The following DAB1 variants were observed in gnomAD, a reference collection of about 807,000 sequenced individuals.
DAB1 encodes disabled homolog 1.
DAB1 carries 15 observed loss-of-function variants against 64.6 expected under a neutral mutation model. That is an observed-to-expected ratio of 0.23 (90% CI 0.16 to 0.36). The LOEUF (loss-of-function observed/expected upper bound fraction) is 0.36, where lower values mean the gene tolerates loss of function less well. Among genes scored for constraint, DAB1 ranks in the 10% least tolerant of loss-of-function variants. The pLI is 1.00. For missense variants in DAB1, 596 were observed against 706.7 expected (o/e 0.84, Z 1.78); for synonymous variants, 235 against 251.9 (o/e 0.93, Z 0.64).
intron 6 of DAB1, among the ~76,000 whole-genome samples, chr1:57,673,095 T>C (rs1407648846): frequency 1.3e-5 from 2 of 152,106 alleles, no homozygotes; most frequent in Non-Finnish European, 2.9e-5. Flanking sequence ...GGATGGGAAG[T>C]CCAAGATCAA....
intron 6 of DAB1, among the ~76,000 whole-genome samples, chr1:57,799,914 C>T (rs1651047030): frequency 6.6e-6 from 1 of 152,076 alleles, no homozygotes; most frequent in Admixed American, 6.5e-5. Flanking sequence ...AACCATGGGG[C>T]CCACAAAGCC....
At chr1:57,032,811 TATCA>T (rs1258626764) in intron 9 of DAB1, among the ~76,000 whole-genome samples, 1 of 152,234 alleles carries the variant, frequency 6.6e-6, no homozygotes, top group Non-Finnish European at 1.5e-5. Flanking sequence ...TTGGCTTCTG[TATCA>T]ATCAATTTGA....
intron 1 of DAB1, among the ~76,000 whole-genome samples, chr1:57,401,143 A>C (rs1683212188): frequency 6.6e-6 from 1 of 152,202 alleles, no homozygotes; most frequent in South Asian, 2.1e-4. Context: ...ATTTACCTCT[A>C]CACTCAACTG....
At chr1:57,002,459 T>C (rs1049416519) in intron 14 of DAB1, among the ~76,000 whole-genome samples, 13 of 151,988 alleles carry the variant, frequency 8.6e-5, no homozygotes, top group African/African-American at 3.1e-4. Context: ...CAAAGTGGGG[T>C]TTTTCTCTGA....
At chr1:57,577,982 C>T (rs1352401161) in intron 7 of DAB1, among the ~76,000 whole-genome samples, 2 of 152,098 alleles carry the variant, frequency 1.3e-5, no homozygotes, top group Non-Finnish European at 2.9e-5. Context: ...GAAGAGTGTC[C>T]CCAGCTGGGG....
At chr1:57,401,591 G>A (rs1014884769) in intron 1 of DAB1, among the ~76,000 whole-genome samples, 5 of 152,094 alleles carry the variant, frequency 3.3e-5, no homozygotes, top group Non-Finnish European at 7.4e-5. Flanking sequence ...GAGATATGAA[G>A]ATATGAAAGC....
intron 7 of DAB1, among the ~76,000 whole-genome samples, chr1:57,455,345 T>A (rs1232860773): frequency 6.6e-6 from 1 of 152,110 alleles, no homozygotes; most frequent in Non-Finnish European, 1.5e-5. Context: ...TTATCCCAAA[T>A]TTACAGATGA....
At chr1:57,692,270 T>C (rs1048124346) in intron 6 of DAB1, among the ~76,000 whole-genome samples, 4 of 152,118 alleles carry the variant, frequency 2.6e-5, no homozygotes, top group Non-Finnish European at 5.9e-5. Flanking sequence ...ACTCCCTGTC[T>C]CTGGTGCTTT....
intron 2 of DAB1, among the ~76,000 whole-genome samples, chr1:57,228,204 C>G (rs570043666): frequency 1.8e-4 from 28 of 152,296 alleles, no homozygotes; most frequent in African/African-American, 6.5e-4. Flanking sequence ...CTTCACTATT[C>G]TTGGATGCCT....
intron 4 of DAB1, among the ~76,000 whole-genome samples, chr1:58,185,837 A>T (rs1657044334): frequency 6.6e-6 from 1 of 152,084 alleles, no homozygotes; most frequent in Admixed American, 6.6e-5. Flanking sequence ...AATCTATATG[A>T]CCTTGGGCAA....
At chr1:58,010,193 T>TA (rs1646647242) in intron 5 of DAB1, among the ~76,000 whole-genome samples, 1 of 152,110 alleles carries the variant, frequency 6.6e-6, no homozygotes, top group Non-Finnish European at 1.5e-5. Flanking sequence ...CTAATCCTCA[T>TA]AACGGCCCTA....
intron 7 of DAB1, among the ~76,000 whole-genome samples, chr1:57,605,549 G>A (rs970514379): frequency 1.3e-5 from 2 of 152,082 alleles, no homozygotes; most frequent in African/African-American, 4.8e-5. Context: ...AGTGAAAAAG[G>A]CTTTACTGAC....
At chr1:57,168,471 A>G (rs945576825) in intron 2 of DAB1, among the ~76,000 whole-genome samples, 2 of 152,144 alleles carry the variant, frequency 1.3e-5, no homozygotes, top group African/African-American at 4.8e-5. Flanking sequence ...CAAGTCCCAG[A>G]GTACATCCCA....
intron 7 of DAB1, among the ~76,000 whole-genome samples, chr1:57,638,438 T>C (rs7531119): frequency 0.8 from 121,139 of 152,062 alleles, 48,493 homozygotes; most frequent in Non-Finnish European, 0.84. Context: ...TCATCTGCAA[T>C]GGTGTGCAAG....
chr1:58,111,391 A>AAC (rs1651957151), intron 5 of DAB1, among the ~76,000 whole-genome samples: 1 of 152,252 alleles, frequency 6.6e-6, no homozygotes, highest in East Asian at 1.9e-4. Flanking sequence ...TAAACTTGAG[A>AAC]AAAGCCACAT....
intron 3 of DAB1, among the ~76,000 whole-genome samples, chr1:58,367,694 T>C (rs938492859): frequency 2.0e-5 from 3 of 152,120 alleles, no homozygotes; most frequent in Non-Finnish European, 4.4e-5. Context: ...CAGACAGTAC[T>C]ACTATCAAAG....
chr1:58,177,867 C>T (rs899007016), intron 4 of DAB1, among the ~76,000 whole-genome samples: 1 of 152,180 alleles, frequency 6.6e-6, no homozygotes, highest in African/African-American at 2.4e-5. Context: ...AGAAAAACCA[C>T]ATCAGAACTG....
At chr1:58,438,332 A>G (rs1644967826) in intron 3 of DAB1, among the ~76,000 whole-genome samples, 1 of 152,324 alleles carries the variant, frequency 6.6e-6, no homozygotes, top group South Asian at 2.1e-4. Flanking sequence ...GATGGGCCTA[A>G]TCAAGTCTTG....
chr1:57,316,008 T>C (rs1474138981), intron 1 of DAB1, among the ~76,000 whole-genome samples: 1 of 152,174 alleles, frequency 6.6e-6, no homozygotes, highest in Non-Finnish European at 1.5e-5. Context: ...AGGATAGGTG[T>C]ATTACCACCC....
Sources: gnomAD v4.1 joint callset for allele counts (sites outside exome capture counted in the v4.1 genomes callset) on GRCh38, gnomAD v4.1.1 for gene constraint, MANE v1.5 for transcripts, NCBI Gene and HGNC (gene_info 2026-07-23, HGNC 2026-07-21) for gene names.